DENND2B: variants seen among roughly 807,000 people sequenced by gnomAD.
DENND2B encodes DENN domain-containing protein 2B.
DENND2B carries 32 observed loss-of-function variants against 116.0 expected under a neutral mutation model. The ratio of observed to expected loss-of-function variants is 0.28; its 90% CI spans 0.21 to 0.37. The LOEUF is 0.37. Among genes scored for constraint, DENND2B ranks in the 10% least tolerant of loss-of-function variants. The pLI is 1.00. For synonymous variants in DENND2B, 588 were observed against 583.9 expected (o/e 1.01, Z -0.10); for missense variants, 1,276 against 1,477.7 (o/e 0.86, Z 2.24).
chr11:8,699,112 A>G (rs1946817540), intron 15 of DENND2B, 101 bp downstream of exon 15: 3 of 1,515,780 alleles, frequency 2.0e-6, no homozygotes, highest in Non-Finnish European at 2.7e-6. Flanking sequence ...CCAGGGAGAA[A>G]GGATAAGAGC....
intron 1 of DENND2B, among the ~76,000 whole-genome samples, chr11:8,884,941 A>G (rs1247367983): frequency 1.3e-5 from 2 of 152,220 alleles, no homozygotes; most frequent in African/African-American, 2.4e-5. Flanking sequence ...GAAGAGATCT[A>G]TGTTGTCCAG....
Position 8,907,354 on chromosome 11 carries a change from C to T in DENND2B, c.-256+3467G>A, listed in dbSNP as rs190126351. ...TCATTTGGCGTGGGCTATATTTGAT[C>T]CACAAGGGGCCTGATGGTAGGTCAT... On this transcript the variant is annotated intron_variant, in intron 1 of 22. Transcript: ENST00000534127. Among the ~76,000 whole-genome samples the T allele has an allele frequency of 1.4e-3, 207 of 152,232 alleles. 1 individual carries two copies. The highest frequency in any genetic ancestry group is 4.7e-3 in the African/African-American group (197 of 41,520).
chr11:8,728,168 A>G (rs1211785714), intron 3 of DENND2B, among the ~76,000 whole-genome samples: 1 of 151,836 alleles, frequency 6.6e-6, no homozygotes, highest in Non-Finnish European at 1.5e-5. Context: ...CACTCCAGCT[A>G]ATTTTTTAAA....
At chr11:8,839,401 T>C (rs1027075509) in intron 3 of DENND2B, 3 of 152,132 alleles carry the variant, frequency 2.0e-5, no homozygotes, top group Non-Finnish European at 4.4e-5. Context: ...TCACTTACAC[T>C]TTCCAATAAC....
At chr11:8,697,749 C>A in intron 16 of DENND2B, 113 bp from the exon 17 acceptor site, 3 of 717,250 alleles carry the variant, frequency 4.2e-6, no homozygotes, top group Non-Finnish European at 7.5e-6. Flanking sequence ...CTCCCAGTAA[C>A]CCTCATAACT....
intron 4 of DENND2B, chr11:8,831,811 T>A (rs2062217968): frequency 6.6e-6 from 1 of 152,154 alleles, no homozygotes. Flanking sequence ...GTGTTCATGC[T>A]CCCTTGGGCC....
Position 8,717,686 on chromosome 11 carries a change from G to A in DENND2B, c.1629+55C>T. 4.1e-6 allele frequency: 6 copies of A among 1,480,466 alleles called. 1 individual carries two copies. The highest frequency in any genetic ancestry group is 1.5e-5 in the South Asian group (1 of 66,744). The allele number at this position is 1,480,466 out of a possible 1,614,324, so 91.7% of individuals were successfully genotyped here. A position where few individuals can be genotyped will look rare whatever the true frequency, so the allele number is the denominator to read the frequency against. On this transcript the variant is annotated intron_variant, in intron 5 of 19. Transcript: ENST00000313726. ...CTGGGCCCAAGTCTTGGAAGAGCAG[G>A]CCCCCACTGTGGCCCTCACGCTAAC...
At chr11:8,909,664 A>C (rs2064289559) in intron 1 of DENND2B, 2 of 152,178 alleles carry the variant, frequency 1.3e-5, no homozygotes, top group Non-Finnish European at 2.9e-5. Context: ...ACTCACTGTT[A>C]TTCTTTTTTA....
intron 1 of DENND2B, among the ~76,000 whole-genome samples, chr11:8,893,946 C>T (rs1305249445): frequency 6.6e-6 from 1 of 152,044 alleles, no homozygotes; most frequent in African/African-American, 2.4e-5. Context: ...CCAAGTCAAT[C>T]CTAAGCCAAA....
At chr11:8,694,235 T>G in intron 19 of DENND2B, 105 bp from the exon 20 acceptor site, 4 of 1,338,048 alleles carry the variant, frequency 3.0e-6, no homozygotes, top group Non-Finnish European at 4.2e-6. Context: ...GAGGAAGGAT[T>G]AGGAAGACTG....
intron 1 of DENND2B, among the ~76,000 whole-genome samples, chr11:8,771,340 A>T (rs1192241339): frequency 6.6e-6 from 1 of 152,122 alleles, no homozygotes; most frequent in Non-Finnish European, 1.5e-5. Context: ...AAGCAGAATC[A>T]TATAGAGTAT....
chr11:8,824,435 A>G (rs1486793309), intron 4 of DENND2B, among the ~76,000 whole-genome samples: 1 of 152,100 alleles, frequency 6.6e-6, no homozygotes, highest in African/African-American at 2.4e-5. Flanking sequence ...CCCATTTATA[A>G]GTGAGAACAT....
intron 4 of DENND2B, among the ~76,000 whole-genome samples, chr11:8,822,523 C>A (rs1169499132): frequency 2.0e-5 from 3 of 152,226 alleles, no homozygotes; most frequent in Non-Finnish European, 4.4e-5. Context: ...TTTCCTGCAA[C>A]CTTCCGCTTT....
intron 4 of DENND2B, among the ~76,000 whole-genome samples, chr11:8,821,142 ATTAAT>A (rs1186078690): frequency 1.5e-4 from 22 of 150,968 alleles, no homozygotes; most frequent in African/African-American, 4.1e-4. Flanking sequence ...AAATTAATTA[ATTAAT>A]TTAATTTAAT....
chr11:8,869,932 G>GC (rs1181186164), intron 2 of DENND2B, among the ~76,000 whole-genome samples: 1 of 92,876 alleles, frequency 1.1e-5, no homozygotes. Flanking sequence ...CCTAATTCTG[G>GC]CAAAAAAAAA....
intron 1 of DENND2B, among the ~76,000 whole-genome samples, chr11:8,754,719 A>C (rs1349207136): frequency 6.6e-6 from 1 of 152,268 alleles, no homozygotes; most frequent in Non-Finnish European, 1.5e-5. Flanking sequence ...ATATCAACAC[A>C]ATGGAATATT....
intron 4 of DENND2B, among the ~76,000 whole-genome samples, chr11:8,836,998 G>A (rs796884991): frequency 9.8e-5 from 15 of 152,304 alleles, no homozygotes; most frequent in African/African-American, 3.6e-4. Context: ...TTACAGGCGT[G>A]GGCCACCATG....
At chr11:8,717,703 C>T in intron 5 of DENND2B, 38 bp downstream of exon 5, 1 of 1,491,186 alleles carries the variant, frequency 6.7e-7, no homozygotes, top group Non-Finnish European at 8.9e-7. Flanking sequence ...CTGTGGCCCT[C>T]ACGCTAACCC....
chr11:8,886,084 GTCC>G, intron 1 of DENND2B, among the ~76,000 whole-genome samples: 4 of 152,066 alleles, frequency 2.6e-5, no homozygotes, highest in Admixed American at 1.3e-4. Flanking sequence ...AAGACTACAG[GTCC>G]ACATCAGGCT....
Sources: gnomAD v4.1 joint callset for allele counts (sites outside exome capture counted in the v4.1 genomes callset) on GRCh38, gnomAD v4.1.1 for gene constraint, MANE v1.5 for transcripts, NCBI Gene and HGNC (gene_info 2026-07-23, HGNC 2026-07-21) for gene names.